The following PLEKHJ1 variants were observed in gnomAD, a reference collection of about 807,000 sequenced individuals.
PLEKHJ1 encodes the protein pleckstrin homology domain containing J1, also known as pleckstrin homology domain-containing family J member 1.
A neutral mutation model predicts 21.7 loss-of-function variants in PLEKHJ1; 20 were observed. That is an observed-to-expected ratio of 0.92 (90% confidence interval 0.65 to 1.34). The LOEUF (loss-of-function observed/expected upper bound fraction) is 1.34. Ranked by LOEUF, PLEKHJ1 falls within the 40% of genes most tolerant of loss-of-function variation. The pLI is 0.00. For missense variants in PLEKHJ1, 241 were observed against 202.0 expected, an observed-to-expected ratio of 1.19 and a Z score of -1.17; for synonymous variants, 113 against 80.6, an observed-to-expected ratio of 1.40 and a Z score of -2.15.
At chr19:2,235,498 T>A (rs1599646350) in intron 3 of PLEKHJ1, 1 of 512,870 alleles carries the variant, frequency 1.9e-6, no homozygotes, top group East Asian at 3.3e-5. Flanking sequence ...ACCTGCCCTG[T>A]AAGTACAGCC....
At chr19:2,230,638 G>T, downstream of PLEKHJ1, 2 of 398,562 alleles carry the variant, frequency 5.0e-6, no homozygotes, top group South Asian at 2.6e-4. Context: ...TCACACTAAT[G>T]AGTGGCAGTA....
intron 3 of PLEKHJ1, chr19:2,235,021 A>G (rs2024748948): frequency 6.6e-6 from 1 of 152,268 alleles, no homozygotes; most frequent in South Asian, 2.1e-4. Flanking sequence ...AAATAAAATA[A>G]TAAAGTGAAG....
chr19:2,234,578 G>A (rs1394047818), intron 3 of PLEKHJ1: 3 of 284,026 alleles, frequency 1.1e-5, no homozygotes, highest in African/African-American at 6.6e-5. Flanking sequence ...GTGTGGTGGT[G>A]GGGCCTTGTA....
In PLEKHJ1 at chr19:2,233,843, C is replaced by T. The variant is rs777336293; in HGVS notation, c.447G>A (p.Ala149=). The T allele has an allele frequency of 1.2e-5, 19 of 1,607,466 alleles. No individual in the cohort carries two copies. Among genetic ancestry groups the T allele is most frequent in the Admixed American group, 5.1e-5 (3 of 59,382 alleles). The change falls in exon 6 of 6, where the codon GCG becomes GCA. Residue 149 remains alanine (A), a synonymous_variant. Coordinates refer to ENST00000326631, the MANE Select transcript of PLEKHJ1 (RefSeq NM_018049.3). ...EARFQLSGLQ[A] ...CGCTGACCACCGTGCCCTGCGCTCA[C>T]GCCTGCAAGCCACTCAGCTGGAACC...
chr19:2,235,827 G>A lies in PLEKHJ1; in HGVS notation c.164C>T (p.Pro55Leu). The change falls in exon 3 of 6, where the codon CCC (proline) becomes CTC (leucine). Residue 55 changes from proline to leucine, a missense_variant and splice_region_variant. By Grantham distance (98) the Pro-to-Leu change is moderately conservative. Transcript: ENST00000326631. ...GCGCTCCAGCAGCAGGGCTCCGACG[G>A]GCTGGAGGAGACACGGGCGCCGGGA... ...LFYFRTDEAE[P>L]VGALLLERCR... 1.3e-6 allele frequency: 2 copies of A among 1,557,254 alleles called. No individual in the cohort carries two copies. Among genetic ancestry groups the A allele is most frequent in the Non-Finnish European group, 1.7e-6 (2 of 1,151,016 alleles).
chr19:2,233,612 G>A lies in PLEKHJ1; in HGVS notation c.*228C>T. 1 of 563,850 alleles carries A rather than the reference G, an allele frequency of 1.8e-6. No individual in the cohort carries two copies. The highest frequency in any genetic ancestry group is 2.5e-5 in the South Asian group (1 of 40,318). 34.9% of individuals were successfully genotyped at this position (563,850 alleles called of 1,614,324 possible). On this transcript the variant is annotated 3_prime_UTR_variant, in exon 6 of 6. Transcript: ENST00000326631. ...GTGATGGCCGGGTGTGGCGGCTCAT[G>A]CCTGTGATCCCCGCTACTTGGGAAG... is the stretch of plus-strand genomic sequence containing the variant.
At chr19:2,235,097 G>C (rs2024751099) in intron 3 of PLEKHJ1, 1 of 152,184 alleles carries the variant, frequency 6.6e-6, no homozygotes, top group African/African-American at 2.4e-5. Flanking sequence ...GGAAATGTGG[G>C]CACAGACGTG....
downstream of PLEKHJ1, chr19:2,230,509 G>A (rs1020086536): frequency 2.5e-5 from 10 of 398,706 alleles, no homozygotes; most frequent in African/African-American, 4.1e-5. Flanking sequence ...AGGACGGCGC[G>A]GGCACGTTGA....
At chr19:2,231,415 G>C (rs1433509294), downstream of PLEKHJ1, 1 of 204,764 alleles carries the variant, frequency 4.9e-6, no homozygotes, top group African/African-American at 2.3e-5. Flanking sequence ...AGGCTTCTGT[G>C]GTTGCTAGGT....
chr19:2,236,072 C>T, intron 1 of PLEKHJ1, 82 bp from the exon 2 acceptor site: 1 of 1,423,556 alleles, frequency 7.0e-7, no homozygotes, highest in South Asian at 1.5e-5. Flanking sequence ...CCGACCCGGA[C>T]TCCGGCCTCC....
intron 5 of PLEKHJ1, 22 bp from the exon 6 acceptor site, chr19:2,233,927 A>G: frequency 6.2e-7 from 1 of 1,612,704 alleles, no homozygotes; most frequent in Non-Finnish European, 8.5e-7. Flanking sequence ...ACGGGTGGCC[A>G]TGAGCCAGGG....
chr19:2,235,741 G>A (rs994022770), intron 3 of PLEKHJ1, 21 bp downstream of exon 3: 2 of 1,542,650 alleles, frequency 1.3e-6, no homozygotes, highest in Non-Finnish European at 1.8e-6. Context: ...AAGCGCCGCT[G>A]GCTTCCCTAG....
intron 1 of PLEKHJ1, 35 bp from the exon 2 acceptor site, chr19:2,236,025 GC>G: frequency 6.4e-7 from 1 of 1,562,530 alleles, no homozygotes; most frequent in Non-Finnish European, 8.6e-7. Flanking sequence ...GGCGCAGGCA[GC>G]CCCCGCCCGG....
At chr19:2,232,948 G>C (rs560063074), downstream of PLEKHJ1, among the ~76,000 whole-genome samples, 2 of 152,128 alleles carry the variant, frequency 1.3e-5, no homozygotes, top group Admixed American at 6.5e-5. Context: ...AGGACCCCAG[G>C]TCACCACAGG....
At chr19:2,235,452 TG>T in intron 3 of PLEKHJ1, 1 of 435,838 alleles carries the variant, frequency 2.3e-6, no homozygotes, top group Non-Finnish European at 4.1e-6. Context: ...ATGCTACTCT[TG>T]GCAGCTGGGG....
At chr19:2,232,590 T>C (rs2024653324), downstream of PLEKHJ1, 1 of 196,408 alleles carries the variant, frequency 5.1e-6, no homozygotes. Flanking sequence ...CTGGTGTGAA[T>C]GGCAGCCTTT....
chr19:2,230,246 C>G, downstream of PLEKHJ1: 1 of 415,492 alleles, frequency 2.4e-6, no homozygotes, highest in Non-Finnish European at 4.2e-6. Flanking sequence ...TTCTCGGAAA[C>G]GCCGCCCGGC....
intron 3 of PLEKHJ1, chr19:2,234,583 C>T (rs2024734380): frequency 1.1e-5 from 3 of 268,702 alleles, no homozygotes; most frequent in Non-Finnish European, 1.4e-5. Flanking sequence ...GTGGTGGGGC[C>T]TTGTAGGCCC....
intron 3 of PLEKHJ1, chr19:2,234,549 A>C: frequency 3.1e-6 from 1 of 326,536 alleles, no homozygotes; most frequent in South Asian, 3.9e-5. Context: ...CCATCTCTAC[A>C]AAAACAAAAA....
Sources: allele counts gnomAD v4.1 joint callset (sites outside exome capture counted in the v4.1 genomes callset), GRCh38; gene constraint gnomAD v4.1.1; transcripts MANE v1.5; gene names NCBI Gene and HGNC (gene_info 2026-07-23, HGNC 2026-07-21).